The following CPEB3 variants were observed in gnomAD, a reference collection of about 807,000 sequenced individuals.
CPEB3 encodes the protein cytoplasmic polyadenylation element binding protein 3.
In CPEB3, 20 loss-of-function variants were observed where a neutral mutation model predicts 67.2. The ratio of observed to expected loss-of-function variants is 0.30; its 90% CI spans 0.21 to 0.43. The LOEUF is 0.43. CPEB3 is among the 20% of genes least tolerant of loss of function. The probability of loss-of-function intolerance (pLI) is 1.00; values close to 1 mark genes in which losing one functional copy is unlikely to be tolerated. For missense variants in CPEB3, 746 were observed against 968.6 expected, an observed-to-expected ratio of 0.77 and a Z score of 3.05; for synonymous variants, 376 against 393.1, an observed-to-expected ratio of 0.96 and a Z score of 0.51.
chr10:92,278,235 T>C (rs1842084639), intron 1 of CPEB3, among the ~76,000 whole-genome samples: 1 of 152,036 alleles, frequency 6.6e-6, no homozygotes, highest in Non-Finnish European at 1.5e-5. Flanking sequence ...TTAATTTCCA[T>C]ACAAATTTTA....
chr10:92,098,160 T>TAAAAAAAAAAAAAAAA (rs1166249584), intron 7 of CPEB3, among the ~76,000 whole-genome samples: 1 of 36,106 alleles, frequency 2.8e-5, no homozygotes, highest in Admixed American at 4.6e-4. Context: ...ACACTCTGCC[T>TAAAAAAAAAAAAAAAA]AAAAAAAAAA....
chr10:92,136,727 A>G (rs1190871299), intron 6 of CPEB3: 1 of 152,088 alleles, frequency 6.6e-6, no homozygotes, highest in East Asian at 1.9e-4. Context: ...CGCCCAGCTA[A>G]TTTTTGTATT....
At chr10:92,197,913 C>T (rs1049637325) in intron 2 of CPEB3, among the ~76,000 whole-genome samples, 3 of 152,100 alleles carry the variant, frequency 2.0e-5, no homozygotes, top group Non-Finnish European at 4.4e-5. Flanking sequence ...TCGAGACCAG[C>T]CTGGCCAACA....
At chr10:92,282,454 C>T (rs909218681) in intron 1 of CPEB3, among the ~76,000 whole-genome samples, 1 of 152,070 alleles carries the variant, frequency 6.6e-6, no homozygotes, top group Non-Finnish European at 1.5e-5. Context: ...CTTTGGGAGG[C>T]CAAGGCAGGT....
chr10:92,220,291 T>C lies in CPEB3; in HGVS notation c.1005+19055A>G, dbSNP rs192337685. On this transcript the variant is annotated intron_variant, in intron 2 of 9. Coordinates refer to ENST00000265997, the MANE Select transcript of CPEB3 (RefSeq NM_014912.5). Reference sequence around the variant, plus strand: ...ACCTGAAGTATTAGCACAATTAATCTGTCTTTGTTCTGTCTAAAATTAACA... The same window carrying C: ...ACCTGAAGTATTAGCACAATTAATCCGTCTTTGTTCTGTCTAAAATTAACA... 2.7e-3 allele frequency among the ~76,000 whole-genome samples: 417 copies of C among 152,338 alleles called. 1 individual carries two copies. Among genetic ancestry groups the C allele is most frequent in the Non-Finnish European group, 5.1e-3 (347 of 68,022 alleles).
At chr10:92,165,403 C>CTTTTTTTTTT (rs34205234) in intron 4 of CPEB3, among the ~76,000 whole-genome samples, 1 of 121,478 alleles carries the variant, frequency 8.2e-6, no homozygotes, top group Non-Finnish European at 1.6e-5. Context: ...CTTTTTTCTT[C>CTTTTTTTTTT]TTTTTTTTTT....
In CPEB3 at chr10:92,167,548, C is replaced by A. The variant is rs540784272; in HGVS notation, c.1222+13415G>T. 3.9e-4 allele frequency among the ~76,000 whole-genome samples: 59 copies of A among 152,266 alleles called. 1 individual carries two copies. Among genetic ancestry groups the A allele is most frequent in the African/African-American group, 1.3e-3 (55 of 41,558 alleles). ...GCCAGCTGGTGGAGCAGACAGAACA[C>A]AACATTTATCAATTAAGTTTGTATC... is the stretch of plus-strand genomic sequence containing the variant. On this transcript the variant is annotated intron_variant, in intron 4 of 9. Coordinates refer to ENST00000265997, the MANE Select transcript of CPEB3 (RefSeq NM_014912.5).
intron 6 of CPEB3, chr10:92,119,232 C>G: frequency 6.3e-7 from 1 of 1,580,326 alleles, no homozygotes; most frequent in Non-Finnish European, 8.7e-7. Flanking sequence ...GTTTGTCACT[C>G]TTATCTCCAG....
At chr10:92,087,529 G>C (rs1843423154) in intron 8 of CPEB3, among the ~76,000 whole-genome samples, 1 of 152,168 alleles carries the variant, frequency 6.6e-6, no homozygotes, top group South Asian at 2.1e-4. Context: ...AGTTTTTCCA[G>C]CCTGATCAAG....
chr10:92,058,598 T>TAC (rs1564745163), intron 9 of CPEB3, among the ~76,000 whole-genome samples: 1 of 149,762 alleles, frequency 6.7e-6, no homozygotes, highest in East Asian at 1.9e-4. Flanking sequence ...CATACATATA[T>TAC]ATATATATAT....
chr10:92,148,010 A>T (rs1429482089), intron 4 of CPEB3, among the ~76,000 whole-genome samples: 3 of 152,190 alleles, frequency 2.0e-5, no homozygotes, highest in African/African-American at 4.8e-5. Flanking sequence ...CAATTCAAGC[A>T]GAGTAAATAG....
chr10:92,232,949 T>C (rs962418210), intron 2 of CPEB3, among the ~76,000 whole-genome samples: 2 of 152,188 alleles, frequency 1.3e-5, no homozygotes, highest in Non-Finnish European at 2.9e-5. Context: ...AGTATATAGT[T>C]TTATATTAAC....
intron 8 of CPEB3, among the ~76,000 whole-genome samples, chr10:92,084,041 G>A (rs1479442608): frequency 2.0e-5 from 3 of 151,920 alleles, no homozygotes; most frequent in Admixed American, 1.3e-4. Context: ...AATTAGCCGG[G>A]CGTGGTGGCA....
chr10:92,198,035 G>T (rs544161400), intron 2 of CPEB3, among the ~76,000 whole-genome samples: 5 of 152,296 alleles, frequency 3.3e-5, no homozygotes, highest in Middle Eastern at 3.4e-3. Context: ...GAACCCAGGA[G>T]GCGGAGGCTG....
chr10:92,082,868 G>T (rs1843213553), intron 8 of CPEB3, among the ~76,000 whole-genome samples: 1 of 152,096 alleles, frequency 6.6e-6, no homozygotes. Context: ...CAGCCAATGT[G>T]CAAAGATCAT....
intron 2 of CPEB3, among the ~76,000 whole-genome samples, chr10:92,218,150 T>G (rs933565002): frequency 1.3e-5 from 2 of 152,120 alleles, no homozygotes; most frequent in Non-Finnish European, 2.9e-5. Context: ...GGCTCACACC[T>G]GTAATCCCAG....
chr10:92,240,169 G>A lies in CPEB3; in HGVS notation c.182C>T (p.Ala61Val). Residue 61 changes from alanine (A) to valine (V), a missense_variant, in exon 2 of 10, where the codon GCC becomes GTC. Around this residue, in one of 2 missense-constraint regions of CPEB3, gnomAD observed 643 missense variants for 717.5 expected, o/e 0.90. Coordinates refer to ENST00000265997, the MANE Select transcript of CPEB3 (RefSeq NM_014912.5). The part of the protein sequence containing the change: ...SAVPALSPAA[A>V]PPAPNGPDKM... ...GTCCGGGCCGTTGGGGGCCGGGGGG[G>A]CAGCGGCTGGGCTGAGGGCCGGCAC... is the stretch of plus-strand genomic sequence containing the variant. The A allele has an allele frequency of 3.9e-6, 6 of 1,543,670 alleles. No individual in the cohort carries two copies. The highest frequency in any genetic ancestry group is 4.4e-6 in the Non-Finnish European group (5 of 1,143,010).
intron 1 of CPEB3, among the ~76,000 whole-genome samples, chr10:92,267,758 A>G (rs1853126128): frequency 6.6e-6 from 1 of 152,214 alleles, no homozygotes; most frequent in Non-Finnish European, 1.5e-5. Flanking sequence ...TTGATTAACA[A>G]AATCATGGAA....
chr10:92,140,161 C>G (rs944628547), intron 6 of CPEB3, among the ~76,000 whole-genome samples: 1 of 151,858 alleles, frequency 6.6e-6, no homozygotes, highest in Admixed American at 6.6e-5. Flanking sequence ...CAAAAAAGAG[C>G]CCACATCGCC....
Sources: gnomAD v4.1 joint callset for allele counts (sites outside exome capture counted in the v4.1 genomes callset) on GRCh38, gnomAD v4.1.1 for gene constraint, gnomAD v4.1.1 regional missense constraint, MANE v1.5 for transcripts, NCBI Gene and HGNC (gene_info 2026-07-23, HGNC 2026-07-21) for gene names.